Variants in ZNF619 observed in about 807,000 individuals in gnomAD.
ZNF619 encodes zinc finger protein 619.
In ZNF619, 9 loss-of-function variants were observed where a neutral mutation model predicts 14.2. That is an observed-to-expected ratio of 0.64 (90% CI 0.38 to 1.11). The LOEUF (loss-of-function observed/expected upper bound fraction) is 1.11. Among genes scored for constraint, ZNF619 ranks in the 50% least tolerant of loss-of-function variants. ZNF619 has a pLI of 0.01. For synonymous variants in ZNF619, 246 were observed against 252.8 expected, an observed-to-expected ratio of 0.97 and a Z score of 0.26; for missense variants, 659 against 680.1, an observed-to-expected ratio of 0.97 and a Z score of 0.34.
In ZNF619 at chr3:40,482,647, T is replaced by TG. The variant is rs1697445242; in HGVS notation, c.242dup (p.Asp83ArgfsTer19). On this transcript the variant is annotated frameshift_variant, in exon 4 of 5. Transcript: ENST00000432264. LOFTEE classifies it high-confidence loss of function. ...CCAGCTGGAGCAAGGAGAAGCAGCA[T>TG]GGGGCCCAGATCCCTGGACACTTGC... is the stretch of plus-strand genomic sequence containing the variant. The TG allele has an allele frequency of 6.2e-7, 1 of 1,614,034 alleles. No homozygotes were observed. The highest frequency in any genetic ancestry group is 1.3e-5 in the African/African-American group (1 of 74,926).
intron 2 of ZNF619, 40 bp downstream of exon 2, chr3:40,478,043 GA>G (rs1346861841): frequency 1.3e-6 from 2 of 1,542,596 alleles, no homozygotes; most frequent in East Asian, 4.9e-5. Context: ...ACTCAGAACA[GA>G]TATGGAAGGT....
chr3:40,477,901 T>G lies in ZNF619; in HGVS notation c.-62-17T>G. The stretch of plus-strand genomic sequence containing the variant: ...TAGGAGACGAGACAGATCAGTCTCA[T>G]TGTGGTTCTCTCTTAGCTCCGCAGG... On this transcript the variant is annotated splice_polypyrimidine_tract_variant and intron_variant, in intron 1 of 4. Transcript: ENST00000432264. 2.2e-6 allele frequency: 3 copies of G among 1,385,098 alleles called. No homozygotes were observed. The highest frequency in any genetic ancestry group is 3.0e-6 in the Non-Finnish European group (3 of 996,416). The allele number at this position is 1,385,098 out of a possible 1,614,324, so 85.8% of individuals were successfully genotyped here.
intron 2 of ZNF619, among the ~76,000 whole-genome samples, chr3:40,481,525 G>A (rs760650070): frequency 2.4e-4 from 37 of 152,194 alleles, no homozygotes; most frequent in Non-Finnish European, 4.4e-4. Flanking sequence ...CCTGATACGT[G>A]CTTCAGGATG....
At position 40,487,295 on chromosome 3, in the gene ZNF619, G is replaced by A; in HGVS notation, c.785G>A (p.Cys262Tyr). 1.2e-6 allele frequency: 2 copies of A among 1,614,164 alleles called. No individual in the cohort carries two copies. The highest frequency in any genetic ancestry group is 1.7e-5 in the Admixed American group (1 of 60,026). The change falls in exon 5 of 5, where the codon TGT becomes TAT. Residue 262 changes from cysteine to tyrosine, a missense_variant. By Grantham distance (194) the Cys-to-Tyr change is radical (BLOSUM62 -2). Coordinates refer to ENST00000432264, the MANE Select transcript of ZNF619 (RefSeq NM_001145093.4). ...CACACTGGAGAGAAACCATACTCAT[G>A]TGAGGAATGTGGACAAGCCTTCAGT... is the stretch of plus-strand genomic sequence containing the variant. ...KIHTGEKPYSCEECGQAFSQN... is the reference protein window; with the variant it reads ...KIHTGEKPYSYEECGQAFSQN...
At chr3:40,484,250 T>G (rs1198855415) in intron 4 of ZNF619, among the ~76,000 whole-genome samples, 2 of 151,902 alleles carry the variant, frequency 1.3e-5, no homozygotes, top group Admixed American at 6.6e-5. Context: ...TAAGAACATT[T>G]TGTGTGTGTG....
At chr3:40,482,959 C>A (rs562880786) in intron 4 of ZNF619, among the ~76,000 whole-genome samples, 2 of 152,154 alleles carry the variant, frequency 1.3e-5, no homozygotes, top group African/African-American at 4.8e-5. Context: ...CACCTATATC[C>A]GAGCACTTTG....
At chr3:40,481,479 A>C (rs1030943165) in intron 2 of ZNF619, among the ~76,000 whole-genome samples, 3 of 152,232 alleles carry the variant, frequency 2.0e-5, no homozygotes, top group African/African-American at 7.2e-5. Context: ...CAGAAGATGT[A>C]GAGGAGGAAG....
chr3:40,478,528 G>C (rs951498449), intron 2 of ZNF619, among the ~76,000 whole-genome samples: 2 of 152,190 alleles, frequency 1.3e-5, no homozygotes, highest in African/African-American at 4.8e-5. Flanking sequence ...AATGTAGATT[G>C]ATGAGGGAGA....
Position 40,482,569 on chromosome 3 carries a change from C to A in ZNF619, c.179-19C>A. The A allele has an allele frequency of 1.9e-6, 3 of 1,610,968 alleles. No individual in the cohort carries two copies. Among genetic ancestry groups the A allele is most frequent in the Non-Finnish European group, 2.5e-6 (3 of 1,177,218 alleles). ...TGTTGATTCTCCTCAGCTTCATGTT[C>A]CTTTTCTTTCTCCTGTAGCAGCATT... is the stretch of plus-strand genomic sequence containing the variant. On this transcript the variant is annotated intron_variant, in intron 3 of 4. Transcript: ENST00000432264.
Position 40,477,322 on chromosome 3 carries a change from T to G in ZNF619, c.-98T>G, listed in dbSNP as rs1045112517. ...TCTTCAGAGACGCCCTCGACCTTCC[T>G]GCTCCGAGGAGCTGGCCTGATGTCC... On this transcript the variant is annotated 5_prime_UTR_variant, in exon 1 of 5. Transcript: ENST00000432264. The G allele has an allele frequency of 6.5e-6, 1 of 153,016 alleles. No homozygotes were observed. Among genetic ancestry groups the G allele is most frequent in the African/African-American group, 2.4e-5 (1 of 41,466 alleles). 9.5% of individuals were successfully genotyped at this position (153,016 alleles called of 1,614,324 possible). A position where few individuals can be genotyped will look rare whatever the true frequency, so the allele number is the denominator to read the frequency against.
rs1446134367 is a variant in ZNF619 at position 40,488,386 on chromosome 3, G to A, written c.*145G>A. The A allele has an allele frequency of 5.0e-6, 3 of 597,752 alleles. No homozygotes were observed. The highest frequency in any genetic ancestry group is 3.3e-5 in the Admixed American group (1 of 30,682). The allele number at this position is 597,752 out of a possible 1,614,324, so 37.0% of individuals were successfully genotyped here. On this transcript the variant is annotated 3_prime_UTR_variant, in exon 5 of 5. Transcript: ENST00000432264. ...TTCATTTTAAATTCTCACGCTTAAG[G>A]ACCATGTTTGATTAGTTTCTTTTAT... is the stretch of plus-strand genomic sequence containing the variant.
Position 40,487,179 on chromosome 3 carries a change from G to A in ZNF619, c.669G>A (p.Gln223=), listed in dbSNP as rs138484130. Residue 223 remains glutamine (Q), a synonymous_variant, in exon 5 of 5, where the codon CAG becomes CAA. Coordinates refer to ENST00000432264, the MANE Select transcript of ZNF619 (RefSeq NM_001145093.4). ...YNPHSDFHLH[Q]RVHTNEKPYT... ...CACATTCAGACTTTCACCTGCATCAGAGAGTTCACACTAATGAGAAGCCCT... is the reference window on the plus strand; with the variant it reads ...CACATTCAGACTTTCACCTGCATCAAAGAGTTCACACTAATGAGAAGCCCT... The A allele has an allele frequency of 6.2e-6, 10 of 1,614,084 alleles. No homozygotes were observed. Among genetic ancestry groups the A allele is most frequent in the African/African-American group, 1.3e-5 (1 of 74,944 alleles).
chr3:40,483,945 A>G (rs1206154176), intron 4 of ZNF619, among the ~76,000 whole-genome samples: 1 of 146,968 alleles, frequency 6.8e-6, no homozygotes, highest in African/African-American at 2.5e-5. Flanking sequence ...TTATTTTTTG[A>G]GTCAGAGTCT....
rs1697223510 is a variant in ZNF619 at position 40,477,262 on chromosome 3, C to G, written c.-158C>G. 1 of 152,686 alleles carries G rather than the reference C, an allele frequency of 6.5e-6. No individual in the cohort carries two copies. 9.5% of individuals were successfully genotyped at this position (152,686 alleles called of 1,614,324 possible). On this transcript the variant is annotated 5_prime_UTR_variant, in exon 1 of 5. Transcript: ENST00000432264. ...GCCCTTGCAGAGGTCGCCGAGGGGC[C>G]CGCGCCGCCGCCAGAGCCTGGGCCC...
rs80138817 is a variant in ZNF619 at position 40,488,617 on chromosome 3, A to G, written c.*376A>G. 4.7e-3 allele frequency: 841 copies of G among 179,132 alleles called. 4 individuals carry two copies. The highest frequency in any genetic ancestry group is 0.017 in the African/African-American group (738 of 42,318). 11.1% of individuals were successfully genotyped at this position (179,132 alleles called of 1,614,324 possible). On this transcript the variant is annotated 3_prime_UTR_variant, in exon 5 of 5. Coordinates refer to ENST00000432264, the MANE Select transcript of ZNF619 (RefSeq NM_001145093.4). Reference sequence around the variant, plus strand: ...AATGCAAAGCCTATGGGAGAACATAATCAGATAAAGTGTCCAATGATTGCT... The same window carrying G: ...AATGCAAAGCCTATGGGAGAACATAGTCAGATAAAGTGTCCAATGATTGCT...
Position 40,489,107 on chromosome 3 carries a change from A to G in ZNF619, c.*866A>G, listed in dbSNP as rs570220442. The stretch of plus-strand genomic sequence containing the variant: ...AAAGAAAATGAAGTGATGAGTTGGC[A>G]TTGATAGCAATAATGTAAAATTATG... On this transcript the variant is annotated 3_prime_UTR_variant, in exon 5 of 5. Coordinates refer to ENST00000432264, the MANE Select transcript of ZNF619 (RefSeq NM_001145093.4). 6.6e-6 allele frequency: 1 copy of G among 152,122 alleles called. No individual in the cohort carries two copies. Among genetic ancestry groups the G allele is most frequent in the African/African-American group, 2.4e-5 (1 of 41,536 alleles). 9.4% of individuals were successfully genotyped at this position (152,122 alleles called of 1,614,324 possible).
rs750692749 is a variant in ZNF619 at position 40,487,448 on chromosome 3, A to G, written c.938A>G (p.Glu313Gly). The G allele has an allele frequency of 6.2e-7, 1 of 1,614,204 alleles. No individual in the cohort carries two copies. Among genetic ancestry groups the G allele is most frequent in the Non-Finnish European group, 8.5e-7 (1 of 1,180,036 alleles). Residue 313 changes from glutamate to glycine, a missense_variant, in exon 5 of 5, where the codon GAG becomes GGG. Coordinates refer to ENST00000432264, the MANE Select transcript of ZNF619 (RefSeq NM_001145093.4). ...CGGCATCAGAGAATCCATACTGGGGAGAAGCCCTTTAAATGTAAGGAATGT... is the reference window on the plus strand; with the variant it reads ...CGGCATCAGAGAATCCATACTGGGGGGAAGCCCTTTAAATGTAAGGAATGT... Reference protein sequence around the residue: ...LIRHQRIHTGEKPFKCKECGK... With the variant: ...LIRHQRIHTGGKPFKCKECGK...
chr3:40,481,916 T>G lies in ZNF619; in HGVS notation c.78T>G (p.Ala26=). 1 of 1,613,882 alleles carries G rather than the reference T, an allele frequency of 6.2e-7. No homozygotes were observed. The change falls in exon 3 of 5, where the codon GCT becomes GCG. Residue 26 remains alanine (A), a synonymous_variant. Coordinates refer to ENST00000432264, the MANE Select transcript of ZNF619 (RefSeq NM_001145093.4). ...FQEPVTFEDV[A]VYFTQNEWAS... is the part of the protein sequence containing the mutation. ...AGCCAGTAACCTTTGAGGATGTGGC[T>G]GTGTACTTCACCCAGAATGAATGGG...
rs372856489 is a variant in ZNF619 at position 40,487,896 on chromosome 3, G to A, written c.1386G>A (p.Gly462=). ...GEKPYECKEC[G]KAFRWNASFI... ...AACCTTATGAGTGTAAGGAGTGCGG[G>A]AAAGCCTTCAGATGGAATGCAAGTT... The change falls in exon 5 of 5, where the codon GGG becomes GGA. Residue 462 remains glycine, a synonymous_variant. Transcript: ENST00000432264. 6.2e-7 allele frequency: 1 copy of A among 1,614,070 alleles called. No individual in the cohort carries two copies. Among genetic ancestry groups the A allele is most frequent in the African/African-American group, 1.3e-5 (1 of 74,908 alleles).
Sources: gnomAD v4.1 joint callset for allele counts (sites outside exome capture counted in the v4.1 genomes callset) on GRCh38, gnomAD v4.1.1 for gene constraint, MANE v1.5 for transcripts, NCBI Gene and HGNC (gene_info 2026-07-23, HGNC 2026-07-21) for gene names.